RSU1: variants seen among roughly 807,000 people sequenced by gnomAD.
RSU1 encodes rsu-1.
RSU1 carries 26 observed loss-of-function variants against 31.1 expected under a neutral mutation model. The observed-to-expected ratio is 0.84, with a 90% CI of 0.61 to 1.16. The LOEUF (loss-of-function observed/expected upper bound fraction) is 1.16. Among genes scored for constraint, RSU1 ranks in the 50% most tolerant of loss-of-function variants. The pLI is 0.00. For synonymous variants in RSU1, 164 were observed against 136.3 expected (o/e 1.20, Z -1.41); for missense variants, 320 against 339.1 (o/e 0.94, Z 0.44).
chr10:16,795,153 AG>A (rs1188736061), intron 2 of RSU1, among the ~76,000 whole-genome samples: 2 of 152,094 alleles, frequency 1.3e-5, no homozygotes, highest in African/African-American at 4.8e-5. Flanking sequence ...CAGGAGTTCG[AG>A]ACCAGCCTGG....
chr10:16,774,584 A>G (rs151116212), intron 3 of RSU1, among the ~76,000 whole-genome samples: 1 of 152,112 alleles, frequency 6.6e-6, no homozygotes, highest in African/African-American at 2.4e-5. Context: ...AAACAAACAA[A>G]AAAATAGCAT....
At chr10:16,653,923 G>C (rs1299059465) in intron 8 of RSU1, among the ~76,000 whole-genome samples, 1 of 151,946 alleles carries the variant, frequency 6.6e-6, no homozygotes, top group Non-Finnish European at 1.5e-5. Flanking sequence ...ACAAGTAAAG[G>C]CTCTACATTA....
intron 7 of RSU1, among the ~76,000 whole-genome samples, chr10:16,703,107 C>T (rs941428490): frequency 2.0e-5 from 3 of 152,162 alleles, no homozygotes; most frequent in East Asian, 1.9e-4. Flanking sequence ...TCATCTCACT[C>T]CCCCTTTGCC....
chr10:16,595,783 A>G (rs886391799), intron 8 of RSU1, among the ~76,000 whole-genome samples: 17 of 151,680 alleles, frequency 1.1e-4, no homozygotes, highest in African/African-American at 3.4e-4. Flanking sequence ...CCTGGCCAAC[A>G]TGGTGAAACC....
At chr10:16,759,363 A>G (rs188244342) in intron 4 of RSU1, among the ~76,000 whole-genome samples, 84 of 151,942 alleles carry the variant, frequency 5.5e-4, no homozygotes, top group African/African-American at 2.0e-3. Flanking sequence ...AAAAATCAGC[A>G]TGGCGTGGTG....
At chr10:16,671,219 A>T (rs534604211) in intron 8 of RSU1, among the ~76,000 whole-genome samples, 1 of 152,228 alleles carries the variant, frequency 6.6e-6, no homozygotes, top group South Asian at 2.1e-4. Flanking sequence ...GATTAAGAAA[A>T]TGTGGTAGAA....
At chr10:16,737,258 T>A (rs1476971702) in intron 7 of RSU1, among the ~76,000 whole-genome samples, 2 of 151,582 alleles carry the variant, frequency 1.3e-5, no homozygotes, top group Non-Finnish European at 2.9e-5. Flanking sequence ...TTATGAACAC[T>A]ATAAACCCAT....
intron 8 of RSU1, among the ~76,000 whole-genome samples, chr10:16,658,725 A>G (rs72782563): frequency 0.21 from 31,774 of 152,152 alleles, 4,062 homozygotes; most frequent in South Asian, 0.38. Flanking sequence ...CCCCATCTCT[A>G]AAATAAATAA....
At chr10:16,754,297 C>G (rs1190352043) in intron 5 of RSU1, among the ~76,000 whole-genome samples, 1 of 152,170 alleles carries the variant, frequency 6.6e-6, no homozygotes, top group African/African-American at 2.4e-5. Context: ...TCAAAAGCAT[C>G]TCCAGCAAGA....
At chr10:16,813,904 G>A (rs756788538) in intron 2 of RSU1, among the ~76,000 whole-genome samples, 13 of 152,162 alleles carry the variant, frequency 8.5e-5, no homozygotes, top group South Asian at 4.1e-4. Context: ...GAAGGGCTGC[G>A]TTAGAAGATA....
intron 2 of RSU1, among the ~76,000 whole-genome samples, chr10:16,811,060 G>A (rs369562655): frequency 9.9e-5 from 15 of 151,980 alleles, no homozygotes; most frequent in East Asian, 3.9e-4. Flanking sequence ...ATATGACAGC[G>A]GTCCCACGAG....
chr10:16,734,705 CA>C (rs1326780933), intron 7 of RSU1, among the ~76,000 whole-genome samples: 1 of 152,126 alleles, frequency 6.6e-6, no homozygotes, highest in Admixed American at 6.5e-5. Context: ...AACAGTATCA[CA>C]GGATATCAAG....
At chr10:16,608,862 A>G (rs946757783) in intron 8 of RSU1, among the ~76,000 whole-genome samples, 1 of 152,128 alleles carries the variant, frequency 6.6e-6, no homozygotes, top group Non-Finnish European at 1.5e-5. Flanking sequence ...TAGTTTAGGG[A>G]CAGGGTCTTG....
intron 7 of RSU1, among the ~76,000 whole-genome samples, chr10:16,743,403 G>T (rs762642028): frequency 7.9e-5 from 12 of 152,198 alleles, no homozygotes; most frequent in Non-Finnish European, 1.6e-4. Context: ...TTTAAAAAGA[G>T]GCCAGAGAGC....
intron 8 of RSU1, among the ~76,000 whole-genome samples, chr10:16,607,529 G>A (rs1833824411): frequency 6.6e-6 from 1 of 152,264 alleles, no homozygotes; most frequent in East Asian, 1.9e-4. Context: ...AGAAAAAGGA[G>A]GTGTGTGGAT....
chr10:16,799,600 C>A (rs149031501), intron 2 of RSU1, among the ~76,000 whole-genome samples: 5 of 151,584 alleles, frequency 3.3e-5, no homozygotes, highest in Non-Finnish European at 7.4e-5. Flanking sequence ...CTCTAAGAGC[C>A]CTACCAGGTT....
intron 8 of RSU1, among the ~76,000 whole-genome samples, chr10:16,623,676 G>A (rs1201320614): frequency 6.6e-6 from 1 of 152,080 alleles, no homozygotes; most frequent in African/African-American, 2.4e-5. Flanking sequence ...CTGCAGCCTC[G>A]CCAGCATGTT....
At chr10:16,798,060 C>T (rs927257778) in intron 2 of RSU1, among the ~76,000 whole-genome samples, 4 of 152,022 alleles carry the variant, frequency 2.6e-5, no homozygotes, top group Admixed American at 1.3e-4. Context: ...CGGGGTTTTA[C>T]CATGTTGGCC....
intron 2 of RSU1, among the ~76,000 whole-genome samples, chr10:16,810,913 T>G (rs1838395175): frequency 6.6e-6 from 1 of 151,912 alleles, no homozygotes; most frequent in South Asian, 2.1e-4. Context: ...TCTACGCTAC[T>G]TGGGAGGCTG....
Sources: gnomAD v4.1 joint callset for allele counts (sites outside exome capture counted in the v4.1 genomes callset) on GRCh38, gnomAD v4.1.1 for gene constraint, MANE v1.5 for transcripts, NCBI Gene and HGNC (gene_info 2026-07-23, HGNC 2026-07-21) for gene names.